Variants in CPXM2 observed in about 807,000 individuals in gnomAD.
CPXM2 encodes inactive carboxypeptidase-like protein X2.
Under a neutral mutation model 86.1 loss-of-function variants are expected in CPXM2, and 66 were observed. The ratio of observed to expected loss-of-function variants is 0.77; its 90% CI spans 0.63 to 0.94. The LOEUF (loss-of-function observed/expected upper bound fraction) is 0.94. Among genes scored for constraint, CPXM2 ranks in the 40% least tolerant of loss-of-function variants. The pLI is 0.00. For missense variants in CPXM2, 948 were observed against 1,026.3 expected, an observed-to-expected ratio of 0.92 and a Z score of 1.04; for synonymous variants, 388 against 400.2, an observed-to-expected ratio of 0.97 and a Z score of 0.36.
intron 2 of CPXM2, among the ~76,000 whole-genome samples, chr10:123,916,336 A>G (rs1348136485): frequency 6.6e-6 from 1 of 152,176 alleles, no homozygotes; most frequent in African/African-American, 2.4e-5. Flanking sequence ...CTCTGCGCTG[A>G]TGAATGATAC....
chr10:123,928,756 A>G (rs1476471726), intron 2 of CPXM2, among the ~76,000 whole-genome samples: 1 of 152,240 alleles, frequency 6.6e-6, no homozygotes, highest in African/African-American at 2.4e-5. Context: ...GAGCCTTCAG[A>G]TGACTCCATC....
intron 2 of CPXM2, among the ~76,000 whole-genome samples, chr10:123,918,646 C>T (rs1945554510): frequency 1.3e-5 from 2 of 152,166 alleles, no homozygotes; most frequent in South Asian, 4.1e-4. Context: ...CAGCTTGGGG[C>T]TAAATCCGCA....
At chr10:123,842,194 C>T (rs899750567) in intron 4 of CPXM2, among the ~76,000 whole-genome samples, 155 bp downstream of exon 4, 1 of 152,258 alleles carries the variant, frequency 6.6e-6, no homozygotes, top group Non-Finnish European at 1.5e-5. Flanking sequence ...AATGTGTCGA[C>T]AACGAGCCCA....
chr10:123,923,216 C>T (rs1357809971), intron 2 of CPXM2, among the ~76,000 whole-genome samples: 1 of 152,192 alleles, frequency 6.6e-6, no homozygotes, highest in African/African-American at 2.4e-5. Context: ...AGCGACCATG[C>T]TAAATGTAAA....
intron 3 of CPXM2, 69 bp downstream of exon 3, chr10:123,862,545 G>A: frequency 7.3e-7 from 1 of 1,377,788 alleles, no homozygotes; most frequent in Non-Finnish European, 1.0e-6. Flanking sequence ...CGCATTGCCT[G>A]ATCCAAGCTC....
At chr10:123,920,190 A>C (rs1945569444) in intron 2 of CPXM2, among the ~76,000 whole-genome samples, 1 of 152,264 alleles carries the variant, frequency 6.6e-6, no homozygotes, top group Non-Finnish European at 1.5e-5. Context: ...ACAGAGCCTC[A>C]GTGTCATTTC....
chr10:123,798,993 TG>T (rs1847395362), intron 5 of CPXM2, 121 bp downstream of exon 5: 1 of 1,060,960 alleles, frequency 9.4e-7, no homozygotes, highest in Admixed American at 1.8e-5. Context: ...CAGACTGTAG[TG>T]GTAGGTTTGA....
intron 1 of CPXM2, among the ~76,000 whole-genome samples, chr10:123,888,600 A>G (rs1003624982): frequency 6.6e-6 from 1 of 152,264 alleles, no homozygotes; most frequent in Non-Finnish European, 1.5e-5. Flanking sequence ...ATTTTCTCCT[A>G]GTGTAGTTTA....
At chr10:123,930,504 T>C (rs1046077898) in intron 2 of CPXM2, among the ~76,000 whole-genome samples, 2 of 152,100 alleles carry the variant, frequency 1.3e-5, no homozygotes, top group South Asian at 2.1e-4. Flanking sequence ...CCTTTGTGGG[T>C]TCCTGTAGCA....
Position 123,746,927 on chromosome 10 carries a change from C to T in CPXM2, c.2108G>A (p.Cys703Tyr). The stretch of plus-strand genomic sequence containing the variant: ...GGCCCCCATGTCATAGCCAACCATA[C>T]AGTTCTTGGTGGATGCAGTGAAACC... ...AEGFTASTKN[C>Y]MVGYDMGATR... Residue 703 changes from cysteine (C) to tyrosine (Y), a missense_variant, in exon 14 of 14, where the codon TGT becomes TAT. Physicochemically the swap from Cys to Tyr is radical, Grantham distance 194. Transcript: ENST00000241305. 1.2e-6 allele frequency: 2 copies of T among 1,614,196 alleles called. No homozygotes were observed. Among genetic ancestry groups the T allele is most frequent in the Non-Finnish European group, 1.7e-6 (2 of 1,180,034 alleles).
intron 2 of CPXM2, among the ~76,000 whole-genome samples, chr10:123,905,278 C>T (rs1297803722): frequency 6.6e-6 from 1 of 152,226 alleles, no homozygotes; most frequent in Non-Finnish European, 1.5e-5. Context: ...AATGAAAGGC[C>T]TTCCGCGAGC....
At chr10:123,879,434 C>T (rs1033102348) in intron 2 of CPXM2, among the ~76,000 whole-genome samples, 1 of 152,174 alleles carries the variant, frequency 6.6e-6, no homozygotes, top group Non-Finnish European at 1.5e-5. Context: ...AAACTATGCA[C>T]ATTCCCATGT....
At position 123,770,993 on chromosome 10, in the gene CPXM2, T is replaced by A; in HGVS notation, c.1025A>T (p.Tyr342Phe). The A allele has an allele frequency of 8.7e-6, 14 of 1,613,310 alleles. No homozygotes were observed. Among genetic ancestry groups the A allele is most frequent in the Non-Finnish European group, 1.1e-5 (13 of 1,179,210 alleles). The part of the protein sequence containing the change: ...NEMCPNITRI[Y>F]NIGKSHQGLK... ...GCCCTGGTGGCTTTTTCCAATGTTGTAAATTCTGGTGATATTGGGACACAT... is the reference window on the plus strand; with the variant it reads ...GCCCTGGTGGCTTTTTCCAATGTTGAAAATTCTGGTGATATTGGGACACAT... The change falls in exon 8 of 14, where the codon TAC becomes TTC. Residue 342 changes from tyrosine to phenylalanine, a missense_variant. Physicochemically the swap from Tyr to Phe is conservative, Grantham distance 22 (BLOSUM62 3). Transcript: ENST00000241305.
At chr10:123,806,483 G>A (rs1173311802) in intron 4 of CPXM2, among the ~76,000 whole-genome samples, 1 of 152,074 alleles carries the variant, frequency 6.6e-6, no homozygotes, top group Non-Finnish European at 1.5e-5. Context: ...AAATAATAAA[G>A]TTATCTACAT....
rs1257305133 is a variant in CPXM2 at position 123,880,242 on chromosome 10, A to G, written c.372T>C (p.Ser124=). 6.4e-7 allele frequency: 1 copy of G among 1,560,424 alleles called. No individual in the cohort carries two copies. Among genetic ancestry groups the G allele is most frequent in the East Asian group, 2.4e-5 (1 of 41,168 alleles). Residue 124 remains serine, a synonymous_variant, in exon 2 of 14, where the codon AGT becomes AGC. Transcript: ENST00000241305. ...TGACATCTTCACGGGCCACACGGAC[A>G]CTGTGATCATCGTTGGCAGCCTTCT... ...SSEKAANDDH[S]VRVAREDVRE... is the part of the protein sequence containing the mutation.
chr10:123,935,945 C>A (rs1378163355), intron 2 of CPXM2, among the ~76,000 whole-genome samples: 3 of 150,996 alleles, frequency 2.0e-5, no homozygotes, highest in Non-Finnish European at 4.4e-5. Flanking sequence ...TCATCATCAC[C>A]ATCATCACCA....
Position 123,851,784 on chromosome 10 carries a change from AAGG to A in CPXM2, c.514-9299_514-9297del, listed in dbSNP as rs1288462893. Reference sequence around the variant, plus strand: ...ACATCATCTCAAAAAAAAAAAAAAAAAGGGGGCTGGGACAGATGCACTTAGTTA... The same window carrying A: ...ACATCATCTCAAAAAAAAAAAAAAAAGGGCTGGGACAGATGCACTTAGTTA... On this transcript the variant is annotated intron_variant, in intron 3 of 13. Transcript: ENST00000241305. 7.4e-5 allele frequency among the ~76,000 whole-genome samples: 11 copies of A among 149,156 alleles called. No homozygotes were observed. The East Asian group carries it at 2.0e-3, about 27-fold the overall frequency.
At chr10:123,838,901 G>A (rs951464797) in intron 4 of CPXM2, among the ~76,000 whole-genome samples, 5 of 152,316 alleles carry the variant, frequency 3.3e-5, no homozygotes, top group African/African-American at 1.2e-4. Flanking sequence ...TTGTCCTCCA[G>A]GGGTGTTCCT....
At chr10:123,766,215 G>A (rs1240157954) in intron 10 of CPXM2, among the ~76,000 whole-genome samples, 3 of 152,246 alleles carry the variant, frequency 2.0e-5, no homozygotes, top group Non-Finnish European at 4.4e-5. Flanking sequence ...GAGACAGAGA[G>A]AGAGAGATGA....
Sources: gnomAD v4.1 joint callset for allele counts (sites outside exome capture counted in the v4.1 genomes callset) on GRCh38, gnomAD v4.1.1 for gene constraint, MANE v1.5 for transcripts, NCBI Gene and HGNC (gene_info 2026-07-23, HGNC 2026-07-21) for gene names.